Variants in ERBB4 observed in about 807,000 individuals in gnomAD.
ERBB4 encodes the protein erb-b2 receptor tyrosine kinase 4, also known as receptor tyrosine-protein kinase erbB-4.
In ERBB4, 42 loss-of-function variants were observed where a neutral mutation model predicts 158.0. The ratio of observed to expected loss-of-function variants is 0.27; its 90% CI spans 0.21 to 0.34. The LOEUF (loss-of-function observed/expected upper bound fraction) is 0.34. Among genes scored for constraint, ERBB4 ranks in the 10% least tolerant of loss-of-function variants. The pLI is 1.00. For synonymous variants in ERBB4, 583 were observed against 558.7 expected, an observed-to-expected ratio of 1.04 and a Z score of -0.61; for missense variants, 1,333 against 1,624.1, an observed-to-expected ratio of 0.82 and a Z score of 3.08.
chr2:211,452,055 A>G (rs908279296), intron 20 of ERBB4, among the ~76,000 whole-genome samples: 1 of 152,204 alleles, frequency 6.6e-6, no homozygotes, highest in African/African-American at 2.4e-5. Context: ...CATTCCTTCC[A>G]AGAAATAGCT....
At chr2:211,754,314 G>T (rs1176478544) in intron 4 of ERBB4, among the ~76,000 whole-genome samples, 1 of 152,148 alleles carries the variant, frequency 6.6e-6, no homozygotes, top group Non-Finnish European at 1.5e-5. Flanking sequence ...AATGAGAGCA[G>T]TGTTTAGGGG....
chr2:211,448,458 CCAAA>C (rs2064164841), intron 20 of ERBB4, among the ~76,000 whole-genome samples: 2 of 119,188 alleles, frequency 1.7e-5, no homozygotes, highest in Admixed American at 8.6e-5. Flanking sequence ...ATACATCTAC[CCAAA>C]CAGATACACA....
At chr2:212,453,269 G>A (rs1006672009) in intron 1 of ERBB4, among the ~76,000 whole-genome samples, 3 of 152,078 alleles carry the variant, frequency 2.0e-5, no homozygotes, top group African/African-American at 4.8e-5. Context: ...AGTCTACTTT[G>A]TAAAGAAAGA....
At chr2:212,316,218 T>C (rs992794646) in intron 1 of ERBB4, among the ~76,000 whole-genome samples, 1 of 151,426 alleles carries the variant, frequency 6.6e-6, no homozygotes, top group Non-Finnish European at 1.5e-5. Context: ...TTGGATGATT[T>C]TTTTTCTGTT....
At chr2:211,916,164 A>G (rs984846435) in intron 3 of ERBB4, among the ~76,000 whole-genome samples, 14 of 151,574 alleles carry the variant, frequency 9.2e-5, no homozygotes, top group African/African-American at 3.1e-4. Context: ...TGAAATTATT[A>G]TTATTATTAT....
intron 20 of ERBB4, among the ~76,000 whole-genome samples, chr2:211,450,578 T>C (rs1402831838): frequency 6.6e-6 from 1 of 152,158 alleles, no homozygotes; most frequent in Non-Finnish European, 1.5e-5. Flanking sequence ...TCAACATTAC[T>C]TAATGTCAAA....
chr2:211,713,438 A>G, intron 8 of ERBB4, 97 bp downstream of exon 8: 1 of 750,812 alleles, frequency 1.3e-6, no homozygotes. Context: ...TGGTTGTGAG[A>G]GTGGGTTTAT....
At chr2:211,426,929 A>G (rs759475525) in intron 22 of ERBB4, among the ~76,000 whole-genome samples, 5 of 152,034 alleles carry the variant, frequency 3.3e-5, no homozygotes, top group Non-Finnish European at 5.9e-5. Flanking sequence ...ATCACAGAAT[A>G]CATGCAATAG....
At chr2:212,313,384 C>T (rs965447759) in intron 1 of ERBB4, among the ~76,000 whole-genome samples, 2 of 150,836 alleles carry the variant, frequency 1.3e-5, no homozygotes, top group Non-Finnish European at 3.0e-5. Flanking sequence ...ACAGCATTTT[C>T]ATTTACATAA....
At chr2:211,827,032 G>A (rs1292980973) in intron 3 of ERBB4, among the ~76,000 whole-genome samples, 2 of 152,026 alleles carry the variant, frequency 1.3e-5, no homozygotes, top group Admixed American at 6.6e-5. Flanking sequence ...AATCCTGGGG[G>A]CTATGAAATA....
chr2:211,506,670 C>A (rs1002385634), intron 20 of ERBB4, among the ~76,000 whole-genome samples: 2 of 151,422 alleles, frequency 1.3e-5, no homozygotes, highest in Non-Finnish European at 2.9e-5. Context: ...GGGTAAACAA[C>A]AACAATAAAG....
chr2:211,930,487 C>A (rs114754952), intron 3 of ERBB4, among the ~76,000 whole-genome samples: 5,208 of 152,136 alleles, frequency 0.034, 119 homozygotes, highest in Admixed American at 0.065. Context: ...GAATGCAACC[C>A]CCAAGCTTCC....
At chr2:212,258,621 T>C (rs997476287) in intron 1 of ERBB4, among the ~76,000 whole-genome samples, 2 of 147,954 alleles carry the variant, frequency 1.4e-5, no homozygotes, top group African/African-American at 4.9e-5. Context: ...AAGATATATA[T>C]AATATATATA....
At chr2:211,987,341 A>AAAAAAAAAAAAAAAAAAAAG (rs1215048952) in intron 2 of ERBB4, among the ~76,000 whole-genome samples, 91 of 124,422 alleles carry the variant, frequency 7.3e-4, no homozygotes, top group East Asian at 1.2e-3. Context: ...AAAAAAAAAA[A>AAAAAAAAAAAAAAAAAAAAG]AAAGAAAGAA....
intron 18 of ERBB4, among the ~76,000 whole-genome samples, chr2:211,622,993 ATATATAT>A (rs1559356908): frequency 1.1e-3 from 8 of 7,428 alleles, no homozygotes; most frequent in Admixed American, 9.7e-3. Context: ...AAAAAAAAAT[ATATATAT>A]ATATATATAT....
chr2:211,422,859 T>C (rs2125408848), intron 23 of ERBB4, among the ~76,000 whole-genome samples: 1 of 152,012 alleles, frequency 6.6e-6, no homozygotes, highest in Admixed American at 6.6e-5. Context: ...CTATGCTAGT[T>C]ACAGGATTAA....
At chr2:211,795,013 A>G (rs2076353172) in intron 3 of ERBB4, among the ~76,000 whole-genome samples, 1 of 151,912 alleles carries the variant, frequency 6.6e-6, no homozygotes, top group Non-Finnish European at 1.5e-5. Flanking sequence ...CTCTTTTTAT[A>G]TCCACAACTG....
At chr2:211,941,134 C>T (rs1212974211) in intron 3 of ERBB4, among the ~76,000 whole-genome samples, 1 of 152,066 alleles carries the variant, frequency 6.6e-6, no homozygotes, top group Non-Finnish European at 1.5e-5. Context: ...TAAAAATGGA[C>T]TCTTCCGAAG....
At chr2:212,460,155 T>C (rs546287859) in intron 1 of ERBB4, among the ~76,000 whole-genome samples, 15 of 152,204 alleles carry the variant, frequency 9.9e-5, no homozygotes, top group Non-Finnish European at 1.6e-4. Context: ...TCCACCATGA[T>C]TGTGAGGCTC....
Sources: allele counts gnomAD v4.1 joint callset (sites outside exome capture counted in the v4.1 genomes callset), GRCh38; gene constraint gnomAD v4.1.1; transcripts MANE v1.5; gene names NCBI Gene and HGNC (gene_info 2026-07-23, HGNC 2026-07-21).